The following PWP1 variants were observed in gnomAD, a reference collection of about 807,000 sequenced individuals.
PWP1 encodes periodic tryptophan protein 1 homolog.
In PWP1, 47 loss-of-function variants were observed where a neutral mutation model predicts 69.9. The ratio of observed to expected loss-of-function variants is 0.67; its 90% CI spans 0.53 to 0.86. PWP1 has a LOEUF of 0.86. Among genes scored for constraint, PWP1 ranks in the 40% least tolerant of loss-of-function variants. PWP1 has a pLI of 0.00. For synonymous variants in PWP1, 222 were observed against 208.2 expected (o/e 1.07, Z -0.57); for missense variants, 551 against 608.8 (o/e 0.91, Z 1.00).
rs1322669254 is a variant in PWP1 at position 107,687,459 on chromosome 12, A to T, written c.73-989A>T. Among the ~76,000 whole-genome samples the T allele has an allele frequency of 2.0e-5, 3 of 152,254 alleles. No individual in the cohort carries two copies. The East Asian group carries it at 5.8e-4, about 29-fold the overall frequency. ...GTCCCACTCCCAAGTATTGTGTTGT[A>T]ATTAGCCTGTAGTGTAGCCTAAATT... On this transcript the variant is annotated intron_variant, in intron 1 of 14. Transcript: ENST00000412830.
intron 5 of PWP1, among the ~76,000 whole-genome samples, chr12:107,695,219 T>A (rs1049005764): frequency 1.3e-5 from 2 of 151,650 alleles, no homozygotes; most frequent in African/African-American, 4.9e-5. Context: ...TGGGCTGAGA[T>A]CGTGTCACTG....
Position 107,709,121 on chromosome 12 carries a change from TAGC to T in PWP1, c.1182_1184del (p.Ser395del), listed in dbSNP as rs567738381. The T allele has an allele frequency of 5.8e-5, 94 of 1,613,970 alleles. No homozygotes were observed. The African/African-American group carries it at 9.6e-4, about 16-fold the overall frequency. On this transcript the variant is annotated inframe_deletion, in exon 13 of 15. Coordinates refer to ENST00000412830, the MANE Select transcript of PWP1 (RefSeq NM_007062.3). ...CTTATCTTCCTTTAGGTCTTGATCT[TAGC>T]AGTCAAATCAAGGGCTGTCTCGTGA... is the stretch of plus-strand genomic sequence containing the variant.
chr12:107,702,881 T>G (rs1566081081), intron 8 of PWP1, 54 bp from the exon 9 acceptor site: 1 of 1,113,508 alleles, frequency 9.0e-7, no homozygotes, highest in Non-Finnish European at 1.4e-6. Context: ...TTTTCTCATA[T>G]TTAATGCTCT....
intron 14 of PWP1, among the ~76,000 whole-genome samples, chr12:107,711,721 A>G (rs896403258): frequency 2.0e-5 from 3 of 152,044 alleles, no homozygotes; most frequent in Non-Finnish European, 4.4e-5. Context: ...GGATCCTGAG[A>G]TTTTTCTCTG....
chr12:107,703,191 G>A (rs749276199), intron 9 of PWP1, among the ~76,000 whole-genome samples, 160 bp downstream of exon 9: 10 of 152,166 alleles, frequency 6.6e-5, no homozygotes, highest in Admixed American at 3.9e-4. Flanking sequence ...AGCCCTGTGT[G>A]GTAGGTATAA....
rs1889893002 is a variant in PWP1, at chr12:107,709,228, A to C, written c.1286A>C (p.Lys429Thr). The change falls in exon 13 of 15, where the codon AAA (lysine) becomes ACA (threonine). Residue 429 changes from lysine to threonine, a missense_variant. Transcript: ENST00000412830. ...RPSLVHSRDM[K>T]MGVLFCSSCC... The stretch of plus-strand genomic sequence containing the variant: ...AGTCTAGTTCATTCTAGGGACATGA[A>C]AATGGTAAGAATCTCCCTGGGTATC... 6.2e-7 allele frequency: 1 copy of C among 1,613,144 alleles called. No homozygotes were observed. Among genetic ancestry groups the C allele is most frequent in the Admixed American group, 1.7e-5 (1 of 59,852 alleles).
rs963565663 is a variant in PWP1 at position 107,685,932 on chromosome 12, C to T, written c.33C>T (p.Ala11=). 1.2e-6 allele frequency: 2 copies of T among 1,613,832 alleles called. No individual in the cohort carries two copies. Among genetic ancestry groups the T allele is most frequent in the Admixed American group, 3.3e-5 (2 of 60,016 alleles). Residue 11 remains alanine (A), a synonymous_variant, in exon 1 of 15, where the codon GCC becomes GCT. Coordinates refer to ENST00000412830, the MANE Select transcript of PWP1 (RefSeq NM_007062.3). MNRSRQVTCV[A]WVRCGVAKET... ...GCAGCCGCCAGGTGACGTGCGTGGC[C>T]TGGGTCCGCTGCGGCGTGGCCAAAG...
chr12:107,700,979 C>T (rs530745189), intron 8 of PWP1, among the ~76,000 whole-genome samples: 1 of 152,306 alleles, frequency 6.6e-6, no homozygotes, highest in Admixed American at 6.5e-5. Context: ...ATCCCCCCGC[C>T]TCAGCTTCCC....
chr12:107,711,763 G>A (rs757751655), intron 14 of PWP1, among the ~76,000 whole-genome samples: 43 of 152,044 alleles, frequency 2.8e-4, no homozygotes, highest in Non-Finnish European at 5.4e-4. Context: ...TCCTAAGTCC[G>A]AAAAGTTCTG....
chr12:107,701,372 A>G (rs557202006), intron 8 of PWP1, among the ~76,000 whole-genome samples: 14 of 152,006 alleles, frequency 9.2e-5, no homozygotes, highest in Non-Finnish European at 1.9e-4. Flanking sequence ...ATGATTTGCA[A>G]ATATTTTCTT....
chr12:107,699,401 C>T lies in PWP1; in HGVS notation c.773C>T (p.Ala258Val). 9.3e-6 allele frequency: 15 copies of T among 1,613,392 alleles called. No homozygotes were observed. Among genetic ancestry groups the T allele is most frequent in the Middle Eastern group, 1.6e-4 (1 of 6,062 alleles). ...TCCTCAGCAGAAGGGCATACCGATG[C>T]TGTCCTTGACCTTTCATGGAATAAG... ...KSSSAEGHTDAVLDLSWNKLI... is the reference protein window; with the variant it reads ...KSSSAEGHTDVVLDLSWNKLI... Residue 258 changes from alanine to valine, a missense_variant, in exon 8 of 15, where the codon GCT becomes GTT. Transcript: ENST00000412830.
chr12:107,704,902 A>C (rs1009588819), intron 11 of PWP1, among the ~76,000 whole-genome samples, 155 bp downstream of exon 11: 6 of 152,176 alleles, frequency 3.9e-5, no homozygotes, highest in African/African-American at 1.4e-4. Context: ...TTTTTAAATA[A>C]GAGAACGGCT....
intron 11 of PWP1, 106 bp downstream of exon 11, chr12:107,704,853 G>T (rs1432340054): frequency 1.2e-5 from 11 of 924,294 alleles, no homozygotes; most frequent in Middle Eastern, 2.7e-4. Context: ...TTAACAGTAT[G>T]AAGTATTTGG....
In PWP1 at chr12:107,693,091, T is replaced by C. The variant is rs1318890571; in HGVS notation, c.497T>C (p.Val166Ala). ...GAACAGGACCAGTGCAATTTAGAGG[T>C]GCATGGTAAGTGATAAATCCCTTAT... ...RAEQDQCNLE[V>A]HVYNQEEDSF... The change falls in exon 5 of 15, where the codon GTG (valine) becomes GCG (alanine). Residue 166 changes from valine (V) to alanine (A), a missense_variant. Val to Ala is a moderately conservative substitution (Grantham distance 64). Coordinates refer to ENST00000412830, the MANE Select transcript of PWP1 (RefSeq NM_007062.3). 6.2e-7 allele frequency: 1 copy of C among 1,602,402 alleles called. No homozygotes were observed. The highest frequency in any genetic ancestry group is 1.1e-5 in the South Asian group (1 of 88,244).
chr12:107,692,491 C>T (rs1314213496), intron 3 of PWP1, among the ~76,000 whole-genome samples: 2 of 152,170 alleles, frequency 1.3e-5, no homozygotes, highest in Non-Finnish European at 2.9e-5. Context: ...TCCGTATCAC[C>T]TTCAATCATG....
In PWP1 at chr12:107,696,432, C is replaced by A. The variant is rs1472361917; in HGVS notation, c.503-42C>A. On this transcript the variant is annotated intron_variant, in intron 5 of 14. Coordinates refer to ENST00000412830, the MANE Select transcript of PWP1 (RefSeq NM_007062.3). ...TTGAGCGGGATGTGATTTTTGATGA[C>A]TCATTCTGATACATTAAAGTCTCTT... 3 of 1,597,666 alleles carry A rather than the reference C, an allele frequency of 1.9e-6. No individual in the cohort carries two copies. The Admixed American group carries it at 5.3e-5, about 28-fold the overall frequency.
intron 7 of PWP1, among the ~76,000 whole-genome samples, chr12:107,698,362 A>G (rs1011037041): frequency 6.6e-6 from 1 of 151,568 alleles, no homozygotes; most frequent in Non-Finnish European, 1.5e-5. Flanking sequence ...GTCTCAAGGG[A>G]AAAAAAAGAA....
intron 13 of PWP1, 44 bp from the exon 14 acceptor site, chr12:107,710,361 T>C: frequency 6.2e-7 from 1 of 1,607,972 alleles, no homozygotes; most frequent in Non-Finnish European, 8.5e-7. Context: ...ATATTAGCGC[T>C]TTCTGAAGAG....
intron 3 of PWP1, among the ~76,000 whole-genome samples, chr12:107,689,895 C>G (rs373377717): frequency 6.6e-6 from 1 of 152,162 alleles, no homozygotes; most frequent in South Asian, 2.1e-4. Flanking sequence ...GTAGGTATAA[C>G]GATAAATGGA....
Sources: allele counts gnomAD v4.1 joint callset (sites outside exome capture counted in the v4.1 genomes callset), GRCh38; gene constraint gnomAD v4.1.1; transcripts MANE v1.5; gene names NCBI Gene and HGNC (gene_info 2026-07-23, HGNC 2026-07-21).